CDV3: variants seen among roughly 807,000 people sequenced by gnomAD.
CDV3 encodes the protein CDV3 homolog.
In CDV3, 14 loss-of-function variants were observed where a neutral mutation model predicts 24.5. That is an observed-to-expected ratio of 0.57 (90% CI 0.38 to 0.89). CDV3 has a LOEUF of 0.89. CDV3 is among the 40% of genes least tolerant of loss of function. The pLI is 0.00. For missense variants in CDV3, 304 were observed against 310.2 expected, an observed-to-expected ratio of 0.98 and a Z score of 0.15; for synonymous variants, 114 against 114.1, an observed-to-expected ratio of 1.00 and a Z score of 0.00.
intron 4 of CDV3, 174 bp from the exon 5 acceptor site, chr3:133,587,722 T>G: frequency 7.2e-7 from 1 of 1,396,904 alleles, no homozygotes; most frequent in Middle Eastern, 2.7e-4. Flanking sequence ...GTTCTGTGTT[T>G]TCTGTTTGAA....
intron 2 of CDV3, among the ~76,000 whole-genome samples, chr3:133,579,931 T>G (rs1004555346): frequency 3.3e-5 from 5 of 152,160 alleles, no homozygotes; most frequent in African/African-American, 1.2e-4. Flanking sequence ...ACATGTTTAG[T>G]TTAGCTAGTA....
intron 3 of CDV3, among the ~76,000 whole-genome samples, chr3:133,585,873 A>G (rs1324979075): frequency 3.3e-5 from 5 of 152,192 alleles, no homozygotes; most frequent in African/African-American, 1.2e-4. Flanking sequence ...TAATCAGTCC[A>G]CCAATCAGGT....
intron 2 of CDV3, among the ~76,000 whole-genome samples, chr3:133,578,096 C>T (rs2074884940): frequency 6.6e-6 from 1 of 151,856 alleles, no homozygotes; most frequent in Non-Finnish European, 1.5e-5. Flanking sequence ...CTCAAGTGAT[C>T]CTCCCACCTC....
chr3:133,576,841 C>CTTGTTTTGTTTTT (rs2074827156), intron 2 of CDV3, among the ~76,000 whole-genome samples: 1 of 62,388 alleles, frequency 1.6e-5, no homozygotes, highest in African/African-American at 6.8e-5. Flanking sequence ...GGTAGACTAG[C>CTTGTTTTGTTTTT]TTTTTTTTTT....
chr3:133,577,347 ACATT>A (rs1425783090), intron 2 of CDV3, among the ~76,000 whole-genome samples: 1 of 144,638 alleles, frequency 6.9e-6, no homozygotes, highest in Non-Finnish European at 1.5e-5. Context: ...TGCAGATGTC[ACATT>A]CAGTCTTTTT....
At chr3:133,578,884 T>G (rs2074916543) in intron 2 of CDV3, among the ~76,000 whole-genome samples, 1 of 152,240 alleles carries the variant, frequency 6.6e-6, no homozygotes, top group Admixed American at 6.5e-5. Flanking sequence ...GCTGTTCTAT[T>G]CTTTATAAAT....
At chr3:133,583,151 G>A (rs1248500597) in intron 2 of CDV3, among the ~76,000 whole-genome samples, 1 of 152,188 alleles carries the variant, frequency 6.6e-6, no homozygotes, top group Non-Finnish European at 1.5e-5. Flanking sequence ...GCCAAAGACT[G>A]AGATCTTATA....
At chr3:133,580,310 T>G (rs2074966915) in intron 2 of CDV3, among the ~76,000 whole-genome samples, 1 of 152,248 alleles carries the variant, frequency 6.6e-6, no homozygotes, top group South Asian at 2.1e-4. Flanking sequence ...TCATCCATTT[T>G]TATGGCTGCA....
At chr3:133,576,630 G>A (rs2074817610) in intron 2 of CDV3, among the ~76,000 whole-genome samples, 1 of 152,058 alleles carries the variant, frequency 6.6e-6, no homozygotes, top group South Asian at 2.1e-4. Flanking sequence ...TTAAACTATG[G>A]AGATTATTTA....
intron 3 of CDV3, among the ~76,000 whole-genome samples, chr3:133,586,085 T>C (rs1227427003): frequency 6.6e-6 from 1 of 151,880 alleles, no homozygotes; most frequent in Non-Finnish European, 1.5e-5. Context: ...AAAAATACAA[T>C]GTTTTCACTT....
At position 133,574,097 on chromosome 3, in the gene CDV3, A is replaced by T; in HGVS notation, c.53A>T (p.Lys18Met). The change falls in exon 1 of 5, where the codon AAG becomes ATG. Residue 18 changes from lysine (K) to methionine (M), a missense_variant. Physicochemically the swap from Lys to Met is moderately conservative, Grantham distance 95 (BLOSUM62 -1). This residue lies in a region of CDV3 where 219 missense variants were observed against 203.6 expected (regional missense o/e 1.08). Coordinates refer to ENST00000264993, the MANE Select transcript of CDV3 (RefSeq NM_017548.5). ...SLDNFFAKRD[K>M]KKKKERSNRA... ...GACAACTTCTTTGCCAAGAGGGACA[A>T]GAAGAAGAAGAAGGAGCGGAGCAAC... is the stretch of plus-strand genomic sequence containing the variant. 8.8e-7 allele frequency: 1 copy of T among 1,140,358 alleles called. No individual in the cohort carries two copies. Among genetic ancestry groups the T allele is most frequent in the Non-Finnish European group, 1.1e-6 (1 of 900,258 alleles). The allele number at this position is 1,140,358 out of a possible 1,614,324, so 70.6% of individuals were successfully genotyped here.
At chr3:133,577,099 G>T (rs979385693) in intron 2 of CDV3, among the ~76,000 whole-genome samples, 2 of 151,878 alleles carry the variant, frequency 1.3e-5, no homozygotes, top group Non-Finnish European at 2.9e-5. Flanking sequence ...GCCCGCCTCA[G>T]CCTCCCAAAG....
At position 133,575,081 on chromosome 3, in the gene CDV3, T is replaced by A; in HGVS notation, c.283T>A (p.Tyr95Asn). The stretch of plus-strand genomic sequence containing the variant: ...AGAATTGGAGCAAAAAGAGGTTGAT[T>A]ACAGCGGCCTCAGGGTTCAGGCAAT... The part of the protein sequence containing the change: ...WKELEQKEVD[Y>N]SGLRVQAMQI... The change falls in exon 2 of 5, where the codon TAC becomes AAC. Residue 95 changes from tyrosine (Y) to asparagine (N), a missense_variant. Tyr to Asn is a moderately radical substitution (Grantham distance 143, BLOSUM62 -2). This residue lies in a region of CDV3 where 219 missense variants were observed against 203.6 expected (regional missense o/e 1.08). Coordinates refer to ENST00000264993, the MANE Select transcript of CDV3 (RefSeq NM_017548.5). 5.0e-6 allele frequency: 8 copies of A among 1,604,436 alleles called. No individual in the cohort carries two copies. Among genetic ancestry groups the A allele is most frequent in the Non-Finnish European group, 6.8e-6 (8 of 1,171,136 alleles).
In CDV3 at chr3:133,588,385, G is replaced by C. The variant is rs1559793946; in HGVS notation, c.*339G>C. 1 of 1,535,058 alleles carries C rather than the reference G, an allele frequency of 6.5e-7. No homozygotes were observed. The highest frequency in any genetic ancestry group is 2.0e-5 in the Admixed American group (1 of 50,972). The stretch of plus-strand genomic sequence containing the variant: ...GCCTTCATAAGGGTTGACTACCTCA[G>C]ATTTGCTGCACTCATTGTGGACTTC... On this transcript the variant is annotated 3_prime_UTR_variant, in exon 5 of 5. Coordinates refer to ENST00000264993, the MANE Select transcript of CDV3 (RefSeq NM_017548.5).
intron 3 of CDV3, among the ~76,000 whole-genome samples, chr3:133,584,852 A>G (rs1049380932): frequency 6.6e-6 from 1 of 152,202 alleles, no homozygotes; most frequent in Non-Finnish European, 1.5e-5. Flanking sequence ...GATGTATAGT[A>G]TATCGCAGTA....
At chr3:133,575,283 CCT>C (rs1182769549) in intron 2 of CDV3, among the ~76,000 whole-genome samples, 168 bp downstream of exon 2, 2 of 152,168 alleles carry the variant, frequency 1.3e-5, no homozygotes, top group African/African-American at 4.8e-5. Context: ...TGGAGGCAGC[CCT>C]TCCGTGTGCT....
At chr3:133,581,191 T>TG (rs1932979846) in intron 2 of CDV3, among the ~76,000 whole-genome samples, 1 of 152,074 alleles carries the variant, frequency 6.6e-6, no homozygotes. Context: ...AAGACCAGCC[T>TG]GGGCAAGACC....
rs1429917780 is a variant in CDV3, at chr3:133,586,820, ACTC to A, written c.626+101_626+103del. The A allele has an allele frequency of 4.3e-6, 3 of 702,166 alleles. No homozygotes were observed. In the African/African-American group the frequency reaches 5.4e-5, roughly 13 times the overall value. The allele number at this position is 702,166 out of a possible 1,614,324, so 43.5% of individuals were successfully genotyped here. The stretch of plus-strand genomic sequence containing the variant: ...TGCATACCCACCCAAGGGAGAGACT[ACTC>A]CTTAACTAATAAAGCCTGAGCTTCA... On this transcript the variant is annotated intron_variant, in intron 4 of 4. Transcript: ENST00000264993.
chr3:133,581,897 G>T (rs1449132230), intron 2 of CDV3, among the ~76,000 whole-genome samples: 1 of 152,176 alleles, frequency 6.6e-6, no homozygotes, highest in Non-Finnish European at 1.5e-5. Flanking sequence ...TCTCTTACAT[G>T]TTAACGAAAA....
Sources: gnomAD v4.1 joint callset for allele counts (sites outside exome capture counted in the v4.1 genomes callset) on GRCh38, gnomAD v4.1.1 for gene constraint, gnomAD v4.1.1 regional missense constraint, MANE v1.5 for transcripts, NCBI Gene and HGNC (gene_info 2026-07-23, HGNC 2026-07-21) for gene names.